Variants in WDSUB1 observed in about 807,000 individuals in gnomAD.
The protein encoded by WDSUB1 is WD repeat, SAM and U-box domain-containing protein 1.
Under a neutral mutation model 53.9 loss-of-function variants are expected in WDSUB1, and 49 were observed. The ratio of observed to expected loss-of-function variants is 0.91; its 90% CI spans 0.72 to 1.15. WDSUB1 has a LOEUF of 1.15. Ranked by LOEUF, WDSUB1 falls within the 50% of genes most tolerant of loss-of-function variation. WDSUB1 has a pLI of 0.00. For synonymous variants in WDSUB1, 194 were observed against 200.6 expected (o/e 0.97, Z 0.28); for missense variants, 514 against 562.0 (o/e 0.91, Z 0.86).
intron 10 of WDSUB1, among the ~76,000 whole-genome samples, chr2:159,241,314 T>A (rs1157820460): frequency 6.6e-6 from 1 of 152,210 alleles, no homozygotes; most frequent in Non-Finnish European, 1.5e-5. Context: ...ATAAGATGAT[T>A]CTAAAATTTA....
chr2:159,282,177 TAGA>T (rs1352725396), intron 2 of WDSUB1, among the ~76,000 whole-genome samples: 1 of 150,902 alleles, frequency 6.6e-6, no homozygotes, highest in African/African-American at 2.4e-5. Flanking sequence ...TTTTGACCTT[TAGA>T]AGGCCAGTTA....
At chr2:159,267,394 G>A (rs143992166) in intron 5 of WDSUB1, among the ~76,000 whole-genome samples, 1 of 151,762 alleles carries the variant, frequency 6.6e-6, no homozygotes, top group African/African-American at 2.4e-5. Flanking sequence ...TCAAACTCCT[G>A]GGCTCAGGGG....
At chr2:159,253,476 AT>A (rs1385867237) in intron 9 of WDSUB1, among the ~76,000 whole-genome samples, 1 of 152,238 alleles carries the variant, frequency 6.6e-6, no homozygotes, top group Admixed American at 6.5e-5. Flanking sequence ...CAAAAGACTC[AT>A]TGAAAAAAGA....
chr2:159,249,749 C>G (rs2060903661), intron 9 of WDSUB1, among the ~76,000 whole-genome samples: 1 of 151,730 alleles, frequency 6.6e-6, no homozygotes, highest in Non-Finnish European at 1.5e-5. Context: ...AAACATAAAC[C>G]ACCACCATGA....
At chr2:159,277,489 T>A (rs2061568539) in intron 3 of WDSUB1, among the ~76,000 whole-genome samples, 1 of 152,238 alleles carries the variant, frequency 6.6e-6, no homozygotes, top group Admixed American at 6.5e-5. Context: ...GGTTAAAATG[T>A]GCTTATGTTC....
intron 10 of WDSUB1, among the ~76,000 whole-genome samples, chr2:159,244,927 C>A (rs1418132978): frequency 1.3e-5 from 2 of 152,118 alleles, no homozygotes; most frequent in Non-Finnish European, 2.9e-5. Flanking sequence ...GAGACCTCAT[C>A]TCTAAAAAGT....
Position 159,248,470 on chromosome 2 carries a change from T to G in WDSUB1, c.1175A>C (p.Glu392Ala), listed in dbSNP as rs562138924. ...AAGGGATTTAACCTTGGTCCTGAGC[T>G]CTTCAATTTTCCTCAGCACTTTACT... ...LRSKVLRKIEELRTKVKSLSS... is the reference protein window; with the variant it reads ...LRSKVLRKIEALRTKVKSLSS... The change falls in exon 10 of 11, where the codon GAG becomes GCG. Residue 392 changes from glutamate to alanine, a missense_variant. Coordinates refer to ENST00000359774, the MANE Select transcript of WDSUB1 (RefSeq NM_001128212.3). 8 of 1,579,866 alleles carry G rather than the reference T, an allele frequency of 5.1e-6. No homozygotes were observed. The South Asian group carries it at 9.5e-5, about 19-fold the overall frequency.
At chr2:159,269,270 A>C (rs2061403916) in intron 5 of WDSUB1, among the ~76,000 whole-genome samples, 2 of 149,062 alleles carry the variant, frequency 1.3e-5, no homozygotes, top group South Asian at 4.2e-4. Context: ...TCTTGGGTTC[A>C]AGCAACTCTC....
intron 10 of WDSUB1, among the ~76,000 whole-genome samples, chr2:159,247,139 T>A (rs1359506067): frequency 6.6e-6 from 1 of 152,244 alleles, no homozygotes; most frequent in Non-Finnish European, 1.5e-5. Flanking sequence ...GTGCAGCCAC[T>A]GCTATACTCA....
chr2:159,282,103 CTT>C (rs2151157314), intron 2 of WDSUB1, among the ~76,000 whole-genome samples: 1 of 151,980 alleles, frequency 6.6e-6, no homozygotes, highest in Admixed American at 6.6e-5. Flanking sequence ...AAGATTAACT[CTT>C]AATTTTAAGA....
intron 9 of WDSUB1, among the ~76,000 whole-genome samples, chr2:159,250,835 C>T (rs1352048979): frequency 1.3e-5 from 2 of 152,054 alleles, no homozygotes; most frequent in Non-Finnish European, 2.9e-5. Flanking sequence ...GAAAATCTGT[C>T]GTGACTGGGG....
At chr2:159,249,668 TG>T (rs1369874328) in intron 9 of WDSUB1, among the ~76,000 whole-genome samples, 1 of 152,162 alleles carries the variant, frequency 6.6e-6, no homozygotes, top group African/African-American at 2.4e-5. Flanking sequence ...TCTTGCCTCT[TG>T]GGGGCTATTT....
intron 9 of WDSUB1, among the ~76,000 whole-genome samples, chr2:159,254,963 T>A (rs1160711481): frequency 1.3e-5 from 2 of 152,172 alleles, no homozygotes; most frequent in African/African-American, 4.8e-5. Context: ...ACCTCATCTC[T>A]ACAAAAATTT....
intron 6 of WDSUB1, 103 bp downstream of exon 6, chr2:159,259,707 T>TA: frequency 7.9e-7 from 1 of 1,263,942 alleles, no homozygotes; most frequent in South Asian, 1.4e-5. Context: ...TTAGTCATAC[T>TA]AAACAGAAAA....
intron 5 of WDSUB1, among the ~76,000 whole-genome samples, chr2:159,266,125 T>C (rs1339253757): frequency 6.6e-6 from 1 of 152,248 alleles, no homozygotes; most frequent in Non-Finnish European, 1.5e-5. Context: ...GTATTATAAA[T>C]AGTGATAGAT....
rs1360260770 is a variant in WDSUB1, at chr2:159,275,574, A to G, written c.648T>C (p.Ile216=). The G allele has an allele frequency of 3.1e-6, 5 of 1,606,352 alleles. No individual in the cohort carries two copies. The highest frequency in any genetic ancestry group is 4.2e-6 in the Non-Finnish European group (5 of 1,177,970). The part of the protein sequence containing the change: ...ASCGQDCQVK[I]WIVSFTHILG... ...AGATATGGGTAAAAGAAACAATCCA[A>G]ATTTTGACTTGGCAATCCTGACCAC... is the stretch of plus-strand genomic sequence containing the variant. Residue 216 remains isoleucine (I), a synonymous_variant, in exon 4 of 11, where the codon ATT becomes ATC. Transcript: ENST00000359774.
chr2:159,286,084 G>T (rs1221421080), intron 1 of WDSUB1, among the ~76,000 whole-genome samples: 2 of 152,186 alleles, frequency 1.3e-5, no homozygotes, highest in Admixed American at 1.3e-4. Context: ...GACCTGCCTT[G>T]GGGTAGGGGG....
At chr2:159,238,965 T>TGA (rs1405071898) in intron 10 of WDSUB1, among the ~76,000 whole-genome samples, 5 of 152,144 alleles carry the variant, frequency 3.3e-5, no homozygotes, top group Non-Finnish European at 7.4e-5. Context: ...TATGTAGGGT[T>TGA]GAAAGTTTTA....
At chr2:159,265,663 G>A (rs2061328876) in intron 5 of WDSUB1, among the ~76,000 whole-genome samples, 1 of 151,980 alleles carries the variant, frequency 6.6e-6, no homozygotes, top group Non-Finnish European at 1.5e-5. Flanking sequence ...AGCCATGATA[G>A]TGCCATCACA....
Sources: allele counts gnomAD v4.1 joint callset (sites outside exome capture counted in the v4.1 genomes callset), GRCh38; gene constraint gnomAD v4.1.1; transcripts MANE v1.5; gene names NCBI Gene and HGNC (gene_info 2026-07-23, HGNC 2026-07-21).